Variants in SMARCC1 observed in about 807,000 individuals in gnomAD.
The protein encoded by SMARCC1 is SWI/SNF related BAF chromatin remodeling complex subunit C1.
A neutral mutation model predicts 147.4 loss-of-function variants in SMARCC1; 43 were observed. The observed-to-expected ratio is 0.29, with a 90% CI of 0.23 to 0.38. The LOEUF (loss-of-function observed/expected upper bound fraction) is 0.38. Ranked by LOEUF, SMARCC1 falls within the 10% of genes least tolerant of loss-of-function variation. The pLI is 1.00. For missense variants in SMARCC1, 1,119 were observed against 1,381.1 expected, an observed-to-expected ratio of 0.81 and a Z score of 3.01; for synonymous variants, 495 against 484.4, an observed-to-expected ratio of 1.02 and a Z score of -0.29.
chr3:47,767,745 G>C (rs181110725), intron 2 of SMARCC1, among the ~76,000 whole-genome samples: 2 of 151,500 alleles, frequency 1.3e-5, no homozygotes, highest in Admixed American at 1.3e-4. Flanking sequence ...GTGGGCGCCT[G>C]TAATCCCAGG....
intron 2 of SMARCC1, among the ~76,000 whole-genome samples, chr3:47,766,687 G>T (rs1333743743): frequency 6.6e-6 from 1 of 152,178 alleles, no homozygotes; most frequent in African/African-American, 2.4e-5. Context: ...TTTACTTGTA[G>T]TGAAGGTAAA....
At chr3:47,641,216 G>T (rs1489694009) in intron 21 of SMARCC1, among the ~76,000 whole-genome samples, 1 of 152,246 alleles carries the variant, frequency 6.6e-6, no homozygotes, top group Non-Finnish European at 1.5e-5. Context: ...GCTGGCCGTG[G>T]TGGCTCATGC....
At position 47,590,671 on chromosome 3, in the gene SMARCC1, A is replaced by G; in HGVS notation, c.3210T>C (p.Pro1070=). ...CTCCATGTTACTTACACATGCCGTT[A>G]GGTGCTGTCAGGGGTACCCGGGGTC... ...ILGPRVPLTA[P]NGMYPPPPQQ... Residue 1070 remains proline (P), a synonymous_variant, in exon 27 of 28, where the codon CCT becomes CCC. Coordinates refer to ENST00000254480, the MANE Select transcript of SMARCC1 (RefSeq NM_003074.4). 1.3e-6 allele frequency: 2 copies of G among 1,541,926 alleles called. No individual in the cohort carries two copies. The highest frequency in any genetic ancestry group is 1.7e-6 in the Non-Finnish European group (2 of 1,150,400).
intron 21 of SMARCC1, among the ~76,000 whole-genome samples, chr3:47,659,281 A>T (rs1055923213): frequency 2.0e-5 from 3 of 150,694 alleles, no homozygotes; most frequent in Non-Finnish European, 4.4e-5. Flanking sequence ...TAAATAAAAA[A>T]TAAAAAAAAA....
At chr3:47,746,726 A>ATT (rs35599897) in intron 2 of SMARCC1, among the ~76,000 whole-genome samples, 3 of 122,008 alleles carry the variant, frequency 2.5e-5, no homozygotes, top group Non-Finnish European at 3.5e-5. Flanking sequence ...CACATCAGTA[A>ATT]TTTTTTTTTT....
chr3:47,696,088 G>A (rs1156688767), intron 11 of SMARCC1, among the ~76,000 whole-genome samples: 1 of 138,188 alleles, frequency 7.2e-6, no homozygotes, highest in Non-Finnish European at 1.6e-5. Context: ...GGGGGGGGGG[G>A]GGCCAGGCGA....
intron 26 of SMARCC1, among the ~76,000 whole-genome samples, chr3:47,591,410 TA>T (rs36029152): frequency 0.016 from 2,355 of 143,518 alleles, 22 homozygotes; most frequent in African/African-American, 0.027. Context: ...ATGGTTCATT[TA>T]AAAAAAAAAA....
At chr3:47,767,465 C>T (rs2034854031) in intron 2 of SMARCC1, among the ~76,000 whole-genome samples, 1 of 138,858 alleles carries the variant, frequency 7.2e-6, no homozygotes. Context: ...GTCTCGAACT[C>T]TCAACCTGAG....
chr3:47,719,630 G>C (rs1474240149), intron 7 of SMARCC1, among the ~76,000 whole-genome samples: 1 of 152,078 alleles, frequency 6.6e-6, no homozygotes, highest in Non-Finnish European at 1.5e-5. Context: ...TTGAACCCAG[G>C]AGGTGGAGGT....
At chr3:47,669,351 C>A (rs969077835) in intron 19 of SMARCC1, among the ~76,000 whole-genome samples, 1 of 152,298 alleles carries the variant, frequency 6.6e-6, no homozygotes, top group Non-Finnish European at 1.5e-5. Flanking sequence ...ACAACTGTTG[C>A]TCCAGTCATT....
intron 2 of SMARCC1, among the ~76,000 whole-genome samples, chr3:47,761,646 T>C (rs1423103350): frequency 6.6e-6 from 1 of 152,150 alleles, no homozygotes; most frequent in Non-Finnish European, 1.5e-5. Context: ...CCTTTTATTC[T>C]TGCTTCCAAG....
chr3:47,740,306 C>T (rs1299506758), intron 3 of SMARCC1, among the ~76,000 whole-genome samples: 4 of 148,648 alleles, frequency 2.7e-5, no homozygotes, highest in African/African-American at 9.9e-5. Flanking sequence ...AGCGATTCTC[C>T]TGCCTCAGCC....
chr3:47,752,800 G>A (rs1205659087), intron 2 of SMARCC1, among the ~76,000 whole-genome samples: 3 of 152,162 alleles, frequency 2.0e-5, no homozygotes, highest in African/African-American at 7.2e-5. Flanking sequence ...GAAATTTCTA[G>A]AGCCAGCAAA....
chr3:47,621,627 A>C (rs2032733204), intron 25 of SMARCC1, among the ~76,000 whole-genome samples: 1 of 152,204 alleles, frequency 6.6e-6, no homozygotes, highest in South Asian at 2.1e-4. Context: ...ATAAACATGG[A>C]AACAATAGAC....
intron 19 of SMARCC1, among the ~76,000 whole-genome samples, chr3:47,664,483 T>A (rs556076338): frequency 1.4e-3 from 212 of 152,334 alleles, no homozygotes; most frequent in Admixed American, 3.4e-3. Context: ...TTTCTAGTTT[T>A]ATAATTTATT....
chr3:47,698,514 A>G (rs142551628), intron 11 of SMARCC1, among the ~76,000 whole-genome samples: 261 of 152,276 alleles, frequency 1.7e-3, no homozygotes, highest in African/African-American at 5.9e-3. Flanking sequence ...ATGATTTTTT[A>G]AAAAGCAATA....
chr3:47,748,291 G>A (rs2034589064), intron 2 of SMARCC1, among the ~76,000 whole-genome samples: 1 of 152,170 alleles, frequency 6.6e-6, no homozygotes, highest in Admixed American at 6.5e-5. Flanking sequence ...ATGGCTCACT[G>A]TAGCCTCTGC....
intron 2 of SMARCC1, among the ~76,000 whole-genome samples, chr3:47,747,485 A>ATATAAATAT (rs71070221): frequency 2.0e-5 from 3 of 149,382 alleles, no homozygotes; most frequent in Non-Finnish European, 4.4e-5. Context: ...ATAAATATAA[A>ATATAAATAT]AATTAGCCAG....
intron 6 of SMARCC1, among the ~76,000 whole-genome samples, chr3:47,726,082 G>C (rs973665138): frequency 3.9e-5 from 2 of 51,528 alleles, no homozygotes; most frequent in African/African-American, 1.0e-4. Context: ...AAAAAAAAAA[G>C]GTGAATTTCA....
Sources: allele counts gnomAD v4.1 joint callset (sites outside exome capture counted in the v4.1 genomes callset), GRCh38; gene constraint gnomAD v4.1.1; transcripts MANE v1.5; gene names NCBI Gene and HGNC (gene_info 2026-07-23, HGNC 2026-07-21).